GRIP1: variants seen among roughly 807,000 people sequenced by gnomAD.
GRIP1 encodes glutamate receptor interacting protein 1.
In GRIP1, 45 loss-of-function variants were observed where a neutral mutation model predicts 129.9. The observed-to-expected ratio is 0.35, with a 90% CI of 0.27 to 0.44. The LOEUF is 0.44. GRIP1 is among the 20% of genes least tolerant of loss of function. The pLI is 1.00. For synonymous variants in GRIP1, 530 were observed against 520.8 expected (o/e 1.02, Z -0.24); for missense variants, 1,196 against 1,396.8 (o/e 0.86, Z 2.29).
At chr12:66,515,075 T>C (rs2060804405) in intron 7 of GRIP1, among the ~76,000 whole-genome samples, 1 of 152,126 alleles carries the variant, frequency 6.6e-6, no homozygotes, top group Non-Finnish European at 1.5e-5. Context: ...TCTAGTAGAA[T>C]CATAATTTAA....
At chr12:66,926,845 T>C (rs1317734101) in intron 1 of GRIP1, among the ~76,000 whole-genome samples, 7 of 152,134 alleles carry the variant, frequency 4.6e-5, no homozygotes, top group African/African-American at 1.7e-4. Flanking sequence ...ACTAATAATA[T>C]CACAAATCAC....
chr12:66,924,777 C>T (rs928907902), intron 1 of GRIP1, among the ~76,000 whole-genome samples: 6 of 152,094 alleles, frequency 3.9e-5, no homozygotes, highest in Non-Finnish European at 7.4e-5. Flanking sequence ...ACCATCCTGG[C>T]TAACACGGTG....
intron 24 of GRIP1, among the ~76,000 whole-genome samples, chr12:66,350,561 C>G (rs1024154475): frequency 6.6e-6 from 1 of 152,166 alleles, no homozygotes; most frequent in African/African-American, 2.4e-5. Flanking sequence ...GTTCTGTTCT[C>G]TTCTTTGTTA....
intron 1 of GRIP1, among the ~76,000 whole-genome samples, chr12:66,597,467 C>A (rs1204048161): frequency 6.6e-6 from 1 of 152,026 alleles, no homozygotes; most frequent in Non-Finnish European, 1.5e-5. Flanking sequence ...GAACTGGCAG[C>A]CAGTGCAAAG....
At chr12:66,609,623 T>C (rs1310672858) in intron 1 of GRIP1, among the ~76,000 whole-genome samples, 2 of 152,226 alleles carry the variant, frequency 1.3e-5, no homozygotes, top group African/African-American at 4.8e-5. Flanking sequence ...TTGGGTTATG[T>C]CTACCTCATC....
chr12:66,717,586 C>A (rs2035931475), intron 1 of GRIP1, among the ~76,000 whole-genome samples: 2 of 152,014 alleles, frequency 1.3e-5, no homozygotes, highest in African/African-American at 2.4e-5. Context: ...AAATGTATTG[C>A]CAAAGTGATT....
intron 1 of GRIP1, among the ~76,000 whole-genome samples, chr12:66,883,259 T>C (rs2040510094): frequency 6.6e-6 from 1 of 152,120 alleles, no homozygotes; most frequent in Non-Finnish European, 1.5e-5. Context: ...TGTGCACCCC[T>C]TTCCCTTTAG....
Position 66,923,146 on chromosome 12 carries a change from T to C in GRIP1, c.58+145904A>G, listed in dbSNP as rs535659233. Among the ~76,000 whole-genome samples, 6 of 152,252 alleles carry C rather than the reference T, an allele frequency of 3.9e-5. No homozygotes were observed. The East Asian group carries it at 9.7e-4, about 24-fold the overall frequency. On this transcript the variant is annotated intron_variant, in intron 1 of 1. Coordinates refer to the GRIP1 transcript ENST00000643019. Reference sequence around the variant, plus strand: ...TACAAGCAGCTGAACCTAATTGCAATTGATATAAACAGTTATCAGGTTGTA... The same window carrying C: ...TACAAGCAGCTGAACCTAATTGCAACTGATATAAACAGTTATCAGGTTGTA...
intron 19 of GRIP1, among the ~76,000 whole-genome samples, chr12:66,389,997 T>C (rs2056521104): frequency 6.6e-6 from 1 of 152,186 alleles, no homozygotes; most frequent in South Asian, 2.1e-4. Flanking sequence ...GAAGAGGCTT[T>C]AGTCTAGTGC....
rs746387871 is a variant in GRIP1 at position 66,529,920 on chromosome 12, T to C, written c.419-6A>G. The C allele has an allele frequency of 1.1e-5, 17 of 1,531,444 alleles. No homozygotes were observed. In the South Asian group the frequency reaches 1.9e-4, roughly 17 times the overall value. The allele number at this position is 1,531,444 out of a possible 1,614,324, so 94.9% of individuals were successfully genotyped here. ...AACACTTGATCCTTGCACAGCTGAA[T>C]AAAGGAAAGAGAGAAGGAAATATAA... On this transcript the variant is annotated splice_region_variant and splice_polypyrimidine_tract_variant and intron_variant, in intron 4 of 24. Transcript: ENST00000359742.
At chr12:66,896,606 C>T (rs1223769983) in intron 1 of GRIP1, among the ~76,000 whole-genome samples, 1 of 151,926 alleles carries the variant, frequency 6.6e-6, no homozygotes, top group East Asian at 1.9e-4. Flanking sequence ...TATGCTTTTG[C>T]ATATGAATGG....
At chr12:66,711,512 C>A (rs1051934033) in intron 1 of GRIP1, among the ~76,000 whole-genome samples, 2 of 151,704 alleles carry the variant, frequency 1.3e-5, no homozygotes, top group African/African-American at 4.8e-5. Context: ...TGACATATAT[C>A]AATAAAGCAA....
At chr12:66,533,367 C>T (rs371967469) in intron 4 of GRIP1, among the ~76,000 whole-genome samples, 19 of 151,710 alleles carry the variant, frequency 1.3e-4, no homozygotes, top group South Asian at 2.1e-4. Context: ...AATATCAGGC[C>T]GGGCGTGGTG....
intron 1 of GRIP1, among the ~76,000 whole-genome samples, chr12:66,760,778 A>T (rs967071610): frequency 6.6e-6 from 1 of 152,158 alleles, no homozygotes; most frequent in Non-Finnish European, 1.5e-5. Flanking sequence ...CGGAATATGA[A>T]TATTCCACAC....
intron 1 of GRIP1, among the ~76,000 whole-genome samples, chr12:66,694,055 T>G (rs2035069779): frequency 6.6e-6 from 1 of 152,160 alleles, no homozygotes; most frequent in African/African-American, 2.4e-5. Context: ...ATTATGAGCA[T>G]CAGAAACAGC....
At chr12:66,637,731 G>A (rs1398157802) in intron 1 of GRIP1, among the ~76,000 whole-genome samples, 3 of 152,022 alleles carry the variant, frequency 2.0e-5, no homozygotes, top group Admixed American at 2.0e-4. Flanking sequence ...AGTCCTCCTA[G>A]TCTTGCTCAG....
At chr12:66,706,124 C>T (rs1011036902) in intron 1 of GRIP1, among the ~76,000 whole-genome samples, 3 of 152,140 alleles carry the variant, frequency 2.0e-5, no homozygotes, top group Admixed American at 1.3e-4. Context: ...AAGCAACCTA[C>T]AGAATGGGAG....
intron 9 of GRIP1, among the ~76,000 whole-genome samples, chr12:66,461,543 G>A (rs1723138904): frequency 6.6e-6 from 1 of 152,182 alleles, no homozygotes; most frequent in Non-Finnish European, 1.5e-5. Flanking sequence ...CCAATACTGT[G>A]ATGCTGATTT....
chr12:66,376,970 G>A (rs2055813760), intron 22 of GRIP1, 47 bp downstream of exon 22: 1 of 1,346,282 alleles, frequency 7.4e-7, no homozygotes, highest in Non-Finnish European at 1.1e-6. Flanking sequence ...CAAGGGGGTA[G>A]GGAAGGCAGC....
Sources: allele counts gnomAD v4.1 joint callset (sites outside exome capture counted in the v4.1 genomes callset), GRCh38; gene constraint gnomAD v4.1.1; transcripts MANE v1.5; gene names NCBI Gene and HGNC (gene_info 2026-07-23, HGNC 2026-07-21).